The following NXPE4 variants were observed in gnomAD, a reference collection of about 807,000 sequenced individuals.
NXPE4 encodes the protein NXPE family member 4.
Under a neutral mutation model 33.3 loss-of-function variants are expected in NXPE4, and 42 were observed. That is an observed-to-expected ratio of 1.26 (90% CI 0.98 to 1.63). The LOEUF is 1.63. Among genes scored for constraint, NXPE4 ranks in the 40% most tolerant of loss-of-function variants. The pLI is 0.00. For synonymous variants in NXPE4, 253 were observed against 234.9 expected, an observed-to-expected ratio of 1.08 and a Z score of -0.71; for missense variants, 709 against 647.6, an observed-to-expected ratio of 1.09 and a Z score of -1.03.
At chr11:114,665,892 C>T in the NXPE4 span, among the ~76,000 whole-genome samples, 2 of 152,130 alleles carry the variant, frequency 1.3e-5, no homozygotes, top group African/African-American at 4.8e-5. Context: ...TTTGCTTGCA[C>T]TAAAATAGTT....
intron 5 of NXPE4, among the ~76,000 whole-genome samples, chr11:114,578,505 A>T (rs1387393601): frequency 6.6e-6 from 1 of 152,276 alleles, no homozygotes; most frequent in South Asian, 2.1e-4. Context: ...GAGTTTAGTC[A>T]TTTACCAGAG....
chr11:114,595,822 G>A (rs759361207), upstream of NXPE4: 1 of 152,252 alleles, frequency 6.6e-6, no homozygotes, highest in East Asian at 1.9e-4. Context: ...GGAGGGGCCT[G>A]GATCACAAAC....
rs12421748 is a variant in NXPE4 at position 114,571,214 on chromosome 11, A to G, written c.1359T>C (p.Asn453=). The G allele has an allele frequency of 0.13, 212,151 of 1,613,936 alleles. 15,894 individuals carry two copies. The highest frequency in any genetic ancestry group is 0.23 in the South Asian group (20,535 of 91,084). ...GAAGATGCTGAATGGCTTTGTGGAC[A>G]TTGAGGGCCCTTCGGATAAAAACAT... ...PIDVFIRRAL[N]VHKAIQHLLL... Residue 453 remains asparagine, a synonymous_variant, in exon 6 of 6, where the codon AAT becomes AAC. Transcript: ENST00000375478.
the NXPE4 span, among the ~76,000 whole-genome samples, chr11:114,607,439 A>G: frequency 6.6e-6 from 1 of 151,794 alleles, no homozygotes; most frequent in Non-Finnish European, 1.5e-5. Context: ...CCTCGTGGGA[A>G]ACCACTGTTA....
chr11:114,647,445 CTTAT>C, the NXPE4 span, among the ~76,000 whole-genome samples: 2 of 152,050 alleles, frequency 1.3e-5, no homozygotes, highest in Non-Finnish European at 2.9e-5. Flanking sequence ...CTATCTAGTG[CTTAT>C]TTAAAGGGGG....
chr11:114,607,743 C>T, the NXPE4 span, among the ~76,000 whole-genome samples: 186 of 151,820 alleles, frequency 1.2e-3, no homozygotes, highest in African/African-American at 3.4e-3. Context: ...CACAGTTGCC[C>T]GGTGGATAAT....
chr11:114,672,540 A>G, the NXPE4 span, among the ~76,000 whole-genome samples: 1 of 152,020 alleles, frequency 6.6e-6, no homozygotes, highest in Non-Finnish European at 1.5e-5. Context: ...AGACTGGTTA[A>G]TGGGACAAGA....
the NXPE4 span, among the ~76,000 whole-genome samples, chr11:114,631,824 G>A: frequency 6.6e-6 from 1 of 151,580 alleles, no homozygotes; most frequent in South Asian, 2.1e-4. Flanking sequence ...TGCCTCATGG[G>A]TAACCGATGT....
the NXPE4 span, among the ~76,000 whole-genome samples, chr11:114,672,996 A>G: frequency 6.6e-6 from 1 of 150,660 alleles, no homozygotes; most frequent in Non-Finnish European, 1.5e-5. Context: ...ACAACAGAAA[A>G]CATATTCTTC....
the NXPE4 span, among the ~76,000 whole-genome samples, chr11:114,642,031 T>C: frequency 6.6e-6 from 1 of 152,092 alleles, no homozygotes; most frequent in Non-Finnish European, 1.5e-5. Context: ...AATTATTCTC[T>C]GCATAGTTAT....
At chr11:114,586,598 T>G (rs542615091) in intron 2 of NXPE4, among the ~76,000 whole-genome samples, 1 of 152,178 alleles carries the variant, frequency 6.6e-6, no homozygotes, top group African/African-American at 2.4e-5. Context: ...TTCTAATTGG[T>G]TTCCTTTTAC....
the NXPE4 span, among the ~76,000 whole-genome samples, chr11:114,644,021 A>G: frequency 1.3e-5 from 2 of 151,984 alleles, no homozygotes; most frequent in African/African-American, 4.8e-5. Flanking sequence ...TTCTCTTTGC[A>G]GCAATTGTGA....
At chr11:114,617,139 TAA>T in the NXPE4 span, among the ~76,000 whole-genome samples, 2 of 151,966 alleles carry the variant, frequency 1.3e-5, no homozygotes, top group Admixed American at 6.6e-5. Context: ...CTGTGGATAA[TAA>T]GTGACGTTTT....
the NXPE4 span, among the ~76,000 whole-genome samples, chr11:114,625,229 A>T: frequency 5.3e-5 from 8 of 152,304 alleles, no homozygotes; most frequent in South Asian, 1.7e-3. Context: ...GTTGGATAAT[A>T]CGTATTGCCT....
the NXPE4 span, among the ~76,000 whole-genome samples, chr11:114,653,428 TCTTTCTGCCTCCAGAAGGCAG>T: frequency 6.6e-6 from 1 of 152,220 alleles, no homozygotes; most frequent in African/African-American, 2.4e-5. Context: ...ACTCTACATT[TCTTTCTGCCTCCAGAAGGCAG>T]CTTTGAAAAT....
chr11:114,612,201 G>A, the NXPE4 span, among the ~76,000 whole-genome samples: 14 of 151,676 alleles, frequency 9.2e-5, no homozygotes, highest in South Asian at 2.1e-4. Context: ...ACTGTTACAC[G>A]GTGGAGAATA....
At chr11:114,657,395 TA>T in the NXPE4 span, among the ~76,000 whole-genome samples, 1 of 152,236 alleles carries the variant, frequency 6.6e-6, no homozygotes, top group Non-Finnish European at 1.5e-5. Flanking sequence ...GCATTTTCTC[TA>T]ATTTGAATGT....
rs1296285238 is a variant in NXPE4 at position 114,582,991 on chromosome 11, G to C, written c.127C>G (p.Leu43Val). Residue 43 changes from leucine (L) to valine (V), a missense_variant, in exon 3 of 6, where the codon CTC becomes GTC. Transcript: ENST00000375478. Reference sequence around the variant, plus strand: ...TTTGTGGAGTTGTTCCAGTAATGGAGGGAGATGGATAAGTTTAGAGCAGAC... The same window carrying C: ...TTTGTGGAGTTGTTCCAGTAATGGACGGAGATGGATAAGTTTAGAGCAGAC... ...VWSALNLSISLHYWNNSTKSL... is the reference protein window; with the variant it reads ...VWSALNLSISVHYWNNSTKSL... 5.6e-6 allele frequency: 9 copies of C among 1,613,472 alleles called. No individual in the cohort carries two copies. The highest frequency in any genetic ancestry group is 3.3e-5 in the South Asian group (3 of 91,058).
At chr11:114,648,917 T>A in the NXPE4 span, among the ~76,000 whole-genome samples, 3 of 150,334 alleles carry the variant, frequency 2.0e-5, no homozygotes, top group East Asian at 5.9e-4. Context: ...TCAATACATC[T>A]TATGTTATAT....
Sources: allele counts gnomAD v4.1 joint callset (sites outside exome capture counted in the v4.1 genomes callset), GRCh38; gene constraint gnomAD v4.1.1; transcripts MANE v1.5; gene names NCBI Gene and HGNC (gene_info 2026-07-23, HGNC 2026-07-21).